The following UBE2QL1 variants were observed in gnomAD, a reference collection of about 807,000 sequenced individuals.
UBE2QL1 encodes ubiquitin-conjugating enzyme E2Q-like protein 1.
A neutral mutation model predicts 12.6 loss-of-function variants in UBE2QL1; 5 were observed. The ratio of observed to expected loss-of-function variants is 0.40; its 90% CI spans 0.21 to 0.83. UBE2QL1 has a LOEUF of 0.83. Among genes scored for constraint, UBE2QL1 ranks in the 40% least tolerant of loss-of-function variants. UBE2QL1 has a pLI of 0.37. For missense variants in UBE2QL1, 99 were observed against 222.6 expected (o/e 0.44, Z 3.53); for synonymous variants, 96 against 94.5 (o/e 1.02, Z -0.10).
At chr5:6,466,582 G>A (rs1284174971) in intron 1 of UBE2QL1, among the ~76,000 whole-genome samples, 1 of 152,264 alleles carries the variant, frequency 6.6e-6, no homozygotes, top group East Asian at 1.9e-4. Flanking sequence ...CGGAGAATGA[G>A]GTTGAGTTGA....
intron 1 of UBE2QL1, among the ~76,000 whole-genome samples, chr5:6,458,003 C>G (rs1201144717): frequency 6.6e-6 from 1 of 152,132 alleles, no homozygotes; most frequent in South Asian, 2.1e-4. Context: ...ATTGATTGAG[C>G]AAAATCGATG....
intron 1 of UBE2QL1, among the ~76,000 whole-genome samples, chr5:6,462,747 T>C (rs904653660): frequency 6.6e-6 from 1 of 152,158 alleles, no homozygotes; most frequent in African/African-American, 2.4e-5. Context: ...ACTTTCCCCA[T>C]AGAATTCTAT....
intron 1 of UBE2QL1, among the ~76,000 whole-genome samples, chr5:6,465,833 C>T (rs1393409111): frequency 6.6e-6 from 1 of 152,212 alleles, no homozygotes; most frequent in African/African-American, 2.4e-5. Flanking sequence ...AACCTGCCTC[C>T]GTGAGGACGG....
At chr5:6,483,465 G>C (rs1467670080) in intron 1 of UBE2QL1, among the ~76,000 whole-genome samples, 1 of 150,772 alleles carries the variant, frequency 6.6e-6, no homozygotes, top group Non-Finnish European at 1.5e-5. Context: ...AAAATGAGGA[G>C]CCCACAGATG....
intron 1 of UBE2QL1, among the ~76,000 whole-genome samples, chr5:6,463,691 G>A (rs577543354): frequency 7.1e-4 from 106 of 150,184 alleles, no homozygotes; most frequent in Admixed American, 2.8e-3. Flanking sequence ...GCAGTGGCGC[G>A]ATCTCGGCTC....
intron 1 of UBE2QL1, among the ~76,000 whole-genome samples, chr5:6,459,931 G>T (rs546531637): frequency 4.6e-5 from 7 of 152,068 alleles, no homozygotes; most frequent in Non-Finnish European, 8.8e-5. Context: ...TATATACCCG[G>T]AGGAGTGCAT....
At chr5:6,459,179 C>G (rs1318143486) in intron 1 of UBE2QL1, among the ~76,000 whole-genome samples, 2 of 152,082 alleles carry the variant, frequency 1.3e-5, no homozygotes, top group Non-Finnish European at 2.9e-5. Context: ...CATAATGTAC[C>G]CTATGAAACA....
At chr5:6,456,077 G>A (rs953271012) in intron 1 of UBE2QL1, among the ~76,000 whole-genome samples, 6 of 152,102 alleles carry the variant, frequency 3.9e-5, no homozygotes, top group Non-Finnish European at 5.9e-5. Context: ...CACGGGAATC[G>A]AGTGCCTCCC....
chr5:6,490,296 T>C (rs1734543792), intron 1 of UBE2QL1, among the ~76,000 whole-genome samples: 2 of 152,244 alleles, frequency 1.3e-5, no homozygotes, highest in East Asian at 1.9e-4. Context: ...GCTCCTCCCC[T>C]CTGATGCCAG....
intron 1 of UBE2QL1, among the ~76,000 whole-genome samples, chr5:6,453,711 A>G (rs76186490): frequency 0.017 from 76 of 4,520 alleles, no homozygotes; most frequent in African/African-American, 0.037. Context: ...ACACATGTGC[A>G]CACACACACA....
At chr5:6,450,524 G>A (rs1739394093) in intron 1 of UBE2QL1, among the ~76,000 whole-genome samples, 1 of 152,122 alleles carries the variant, frequency 6.6e-6, no homozygotes, top group Non-Finnish European at 1.5e-5. Context: ...AAAAATCATC[G>A]TTTTCTTTAA....
chr5:6,487,190 A>G (rs985766545), intron 1 of UBE2QL1, among the ~76,000 whole-genome samples: 1 of 152,304 alleles, frequency 6.6e-6, no homozygotes, highest in African/African-American at 2.4e-5. Context: ...CGAACTGGGG[A>G]GTTAAGTTTG....
chr5:6,461,007 T>C (rs191457108), intron 1 of UBE2QL1, among the ~76,000 whole-genome samples: 3 of 152,342 alleles, frequency 2.0e-5, no homozygotes, highest in East Asian at 3.9e-4. Context: ...ATCAACTGTT[T>C]CAGTACAACT....
At chr5:6,475,775 C>T (rs562683809) in intron 1 of UBE2QL1, among the ~76,000 whole-genome samples, 46 of 152,154 alleles carry the variant, frequency 3.0e-4, no homozygotes, top group African/African-American at 1.0e-3. Flanking sequence ...GAAGCCGAAG[C>T]TCTGCCAGGT....
At chr5:6,459,567 A>T (rs931112587) in intron 1 of UBE2QL1, among the ~76,000 whole-genome samples, 1 of 152,208 alleles carries the variant, frequency 6.6e-6, no homozygotes, top group Admixed American at 6.5e-5. Flanking sequence ...GTTGCACAAA[A>T]CAAAATGCAT....
chr5:6,466,865 T>C lies in UBE2QL1; in HGVS notation c.354+17618T>C, dbSNP rs537631251. Reference sequence around the variant, plus strand: ...GGTTTTGTTTGTAATCACGTGCCCTTGAAATGTCATCATACCATTCGCCAG... The same window carrying C: ...GGTTTTGTTTGTAATCACGTGCCCTCGAAATGTCATCATACCATTCGCCAG... On this transcript the variant is annotated intron_variant, in intron 1 of 1. Coordinates refer to ENST00000399816, the MANE Select transcript of UBE2QL1 (RefSeq NM_001145161.3). 2.6e-5 allele frequency among the ~76,000 whole-genome samples: 4 copies of C among 152,258 alleles called. No individual in the cohort carries two copies. In the East Asian group the frequency reaches 7.7e-4, roughly 29 times the overall value.
intron 1 of UBE2QL1, among the ~76,000 whole-genome samples, chr5:6,485,677 G>A (rs1001967941): frequency 1.3e-5 from 2 of 152,170 alleles, no homozygotes; most frequent in Non-Finnish European, 2.9e-5. Flanking sequence ...GGAAATGAGT[G>A]CAGGAAACTC....
chr5:6,468,235 GC>G (rs1431130740), intron 1 of UBE2QL1, among the ~76,000 whole-genome samples: 1 of 152,152 alleles, frequency 6.6e-6, no homozygotes, highest in Non-Finnish European at 1.5e-5. Context: ...TCCTGGTTGA[GC>G]GAGCCCCCTG....
At chr5:6,461,777 G>A (rs906407760) in intron 1 of UBE2QL1, among the ~76,000 whole-genome samples, 19 of 152,034 alleles carry the variant, frequency 1.2e-4, no homozygotes, top group Admixed American at 4.6e-4. Context: ...TAGCTGTCAC[G>A]TAATCTTTTA....
Sources: allele counts gnomAD v4.1 joint callset (sites outside exome capture counted in the v4.1 genomes callset), GRCh38; gene constraint gnomAD v4.1.1; transcripts MANE v1.5; gene names NCBI Gene and HGNC (gene_info 2026-07-23, HGNC 2026-07-21).